The following ZNF568 variants were observed in gnomAD, a reference collection of about 807,000 sequenced individuals.
The protein encoded by ZNF568 is zinc finger protein 568, also known as p53 inhibitor of SCO2 activation.
In ZNF568, 11 loss-of-function variants were observed where a neutral mutation model predicts 18.1. That is an observed-to-expected ratio of 0.61 (90% confidence interval 0.38 to 1.00). ZNF568 has a LOEUF of 1.00. Among genes scored for constraint, ZNF568 ranks in the 50% least tolerant of loss-of-function variants. ZNF568 has a pLI of 0.01. For missense variants in ZNF568, 639 were observed against 768.2 expected (o/e 0.83, Z 1.99); for synonymous variants, 213 against 246.6 (o/e 0.86, Z 1.28).
At chr19:36,975,511 G>A (rs1201114080) in intron 7 of ZNF568, among the ~76,000 whole-genome samples, 2 of 151,560 alleles carry the variant, frequency 1.3e-5, no homozygotes, top group Non-Finnish European at 2.9e-5. Flanking sequence ...TCAGCCTTGC[G>A]AGTAGCTGGG....
At chr19:36,935,948 A>G (rs1272207168) in intron 4 of ZNF568, among the ~76,000 whole-genome samples, 1 of 152,134 alleles carries the variant, frequency 6.6e-6, no homozygotes, top group African/African-American at 2.4e-5. Flanking sequence ...TGTTTAATCC[A>G]TTCAGAGTTA....
intron 6 of ZNF568, among the ~76,000 whole-genome samples, chr19:36,968,119 T>C (rs2074207647): frequency 6.6e-6 from 1 of 152,154 alleles, no homozygotes; most frequent in Non-Finnish European, 1.5e-5. Context: ...ATAATATGTA[T>C]ATATGTGTGT....
intron 6 of ZNF568, among the ~76,000 whole-genome samples, chr19:36,946,001 A>G (rs1324140140): frequency 6.6e-6 from 1 of 151,992 alleles, no homozygotes; most frequent in Non-Finnish European, 1.5e-5. Context: ...AGGCTGAGGC[A>G]GGGGAATCGC....
chr19:36,920,480 G>A (rs547124224), intron 2 of ZNF568, among the ~76,000 whole-genome samples: 7 of 151,944 alleles, frequency 4.6e-5, no homozygotes, highest in South Asian at 2.1e-4. Flanking sequence ...AAAATTAGCC[G>A]GGTGTGGTGG....
At chr19:36,996,545 G>A in exon 5 of ZNF568, 1 of 1,536,128 alleles carries the variant, frequency 6.5e-7, no homozygotes, top group Non-Finnish European at 8.7e-7. Context: ...GAGAAATCCT[G>A]TGAATGCAGG....
intron 6 of ZNF568, among the ~76,000 whole-genome samples, chr19:36,964,555 A>G (rs77010351): frequency 0.045 from 6,861 of 152,250 alleles, 214 homozygotes; most frequent in East Asian, 0.077. Flanking sequence ...GCTCATGCCT[A>G]TAATCCTCGC....
intron 2 of ZNF568, among the ~76,000 whole-genome samples, chr19:36,989,290 C>T (rs1186653381): frequency 6.6e-6 from 1 of 152,184 alleles, no homozygotes; most frequent in Non-Finnish European, 1.5e-5. Context: ...TCAAGCGATC[C>T]TCCTGCCTTA....
chr19:36,948,677 T>TTTTTTTTTTTTTTTTG (rs2074006950), intron 6 of ZNF568, among the ~76,000 whole-genome samples: 1 of 147,596 alleles, frequency 6.8e-6, no homozygotes, highest in East Asian at 2.0e-4. Flanking sequence ...TTTTTTTTTT[T>TTTTTTTTTTTTTTTTG]TTTTTTCAGA....
Position 36,950,685 on chromosome 19 carries a change from T to A in ZNF568, c.1532T>A (p.Phe511Tyr). ...PYACTVCGKA[F>Y]SQKSNLTEHE... ...GCATGTACAGTATGTGGAAAAGCCTTTAGTCAGAAATCAAACCTCACTGAA... is the reference window on the plus strand; with the variant it reads ...GCATGTACAGTATGTGGAAAAGCCTATAGTCAGAAATCAAACCTCACTGAA... Residue 511 changes from phenylalanine to tyrosine, a missense_variant, in exon 7 of 7, where the codon TTT becomes TAT. By Grantham distance (22) the Phe-to-Tyr change is conservative. Transcript: ENST00000333987. 1 of 1,613,932 alleles carries A rather than the reference T, an allele frequency of 6.2e-7. No individual in the cohort carries two copies. The highest frequency in any genetic ancestry group is 8.5e-7 in the Non-Finnish European group (1 of 1,179,968).
At chr19:36,968,861 C>CTTTTTTTTTTTTTTT (rs111450122) in intron 6 of ZNF568, among the ~76,000 whole-genome samples, 1 of 147,608 alleles carries the variant, frequency 6.8e-6, no homozygotes. Context: ...TGAATGAGTT[C>CTTTTTTTTTTTTTTT]TTTTTTTTTT....
intron 6 of ZNF568, among the ~76,000 whole-genome samples, chr19:36,941,069 CCT>C (rs2073871693): frequency 6.6e-6 from 1 of 151,782 alleles, no homozygotes; most frequent in South Asian, 2.1e-4. Context: ...TATTTTTTCC[CCT>C]CTTTAATCAC....
At chr19:36,997,273 G>T (rs759481980), downstream of ZNF568, 8 of 1,602,694 alleles carry the variant, frequency 5.0e-6, no homozygotes, top group African/African-American at 5.4e-5. Context: ...ACATCAGAGT[G>T]TCCATACTGG....
intron 4 of ZNF568, among the ~76,000 whole-genome samples, chr19:36,926,429 C>G (rs565071804): frequency 5.1e-4 from 78 of 152,266 alleles, no homozygotes; most frequent in African/African-American, 1.8e-3. Context: ...GCAAACCTCT[C>G]TGGCCCTCGA....
intron 1 of ZNF568, among the ~76,000 whole-genome samples, chr19:36,917,232 T>G (rs936749898): frequency 6.6e-6 from 1 of 152,188 alleles, no homozygotes; most frequent in Non-Finnish European, 1.5e-5. Flanking sequence ...TTTCAGGGTC[T>G]CAGGCCAAAA....
chr19:36,958,863 G>C (rs1192372437), intron 6 of ZNF568, among the ~76,000 whole-genome samples: 4 of 151,524 alleles, frequency 2.6e-5, no homozygotes, highest in Admixed American at 6.6e-5. Flanking sequence ...TCAAGTGATC[G>C]AACCTCCTCG....
intron 6 of ZNF568, among the ~76,000 whole-genome samples, chr19:36,964,706 CT>C (rs1291802913): frequency 1.3e-5 from 2 of 152,098 alleles, no homozygotes; most frequent in Non-Finnish European, 2.9e-5. Flanking sequence ...GTCCCAGCTA[CT>C]TGGGAGGCTG....
intron 6 of ZNF568, among the ~76,000 whole-genome samples, chr19:36,939,532 CTTTTTTTTTTTT>C (rs386388962): frequency 3.2e-5 from 3 of 93,084 alleles, no homozygotes; most frequent in African/African-American, 4.3e-5. Flanking sequence ...TATTTTCTTT[CTTTTTTTTTTTT>C]TTTTTTTTTT....
At chr19:36,997,914 G>A (rs1568413153), downstream of ZNF568, 1 of 299,882 alleles carries the variant, frequency 3.3e-6, no homozygotes, top group Non-Finnish European at 6.3e-6. Flanking sequence ...TGTAAAGAAA[G>A]TAGGGAGGCC....
Position 36,949,944 on chromosome 19 carries a change from A to T in ZNF568, c.791A>T (p.Asn264Ile). The T allele has an allele frequency of 6.2e-7, 1 of 1,613,894 alleles. No individual in the cohort carries two copies. Among genetic ancestry groups the T allele is most frequent in the Non-Finnish European group, 8.5e-7 (1 of 1,179,958 alleles). The change falls in exon 7 of 7, where the codon AAT becomes ATT. Residue 264 changes from asparagine to isoleucine, a missense_variant. By Grantham distance (149) the Asn-to-Ile change is moderately radical. Transcript: ENST00000333987. ...GGAAAAGCCTTCAGTAGGAAGGAAA[A>T]TCTTATTACACATCAGAAAATTCAT... ...ECGKAFSRKE[N>I]LITHQKIHTG...
Sources: allele counts gnomAD v4.1 joint callset (sites outside exome capture counted in the v4.1 genomes callset), GRCh38; gene constraint gnomAD v4.1.1; transcripts MANE v1.5; gene names NCBI Gene and HGNC (gene_info 2026-07-23, HGNC 2026-07-21).